CDK14: variants seen among roughly 807,000 people sequenced by gnomAD.
CDK14 encodes the protein cyclin-dependent kinase 14.
In CDK14, 34 loss-of-function variants were observed where a neutral mutation model predicts 60.7. The ratio of observed to expected loss-of-function variants is 0.56; its 90% confidence interval spans 0.43 to 0.75. The LOEUF (loss-of-function observed/expected upper bound fraction) is 0.75. Ranked by LOEUF, CDK14 falls within the 30% of genes least tolerant of loss-of-function variation. The pLI is 0.00. For synonymous variants in CDK14, 197 were observed against 203.7 expected (o/e 0.97, Z 0.28); for missense variants, 482 against 564.1 (o/e 0.85, Z 1.47).
intron 2 of CDK14, among the ~76,000 whole-genome samples, chr7:90,720,095 G>A (rs1038761631): frequency 6.6e-6 from 1 of 152,124 alleles, no homozygotes; most frequent in Non-Finnish European, 1.5e-5. Flanking sequence ...GTACTTTAGG[G>A]GGCTATAAAA....
At chr7:91,035,328 C>T (rs866506254) in intron 10 of CDK14, among the ~76,000 whole-genome samples, 1 of 152,302 alleles carries the variant, frequency 6.6e-6, no homozygotes, top group African/African-American at 2.4e-5. Flanking sequence ...CAAAATGCAA[C>T]CTTAATTCTG....
At chr7:90,876,843 G>A (rs1276470030) in intron 6 of CDK14, among the ~76,000 whole-genome samples, 2 of 152,204 alleles carry the variant, frequency 1.3e-5, no homozygotes, top group Admixed American at 1.3e-4. Context: ...TTGTTGTGAA[G>A]TATATAAGTT....
chr7:90,730,172 A>G (rs1802806201), intron 3 of CDK14, among the ~76,000 whole-genome samples: 1 of 152,212 alleles, frequency 6.6e-6, no homozygotes, highest in South Asian at 2.1e-4. Flanking sequence ...ATGTCCGCGC[A>G]GAGGACATGA....
chr7:90,817,217 A>G (rs1309519846), intron 5 of CDK14, among the ~76,000 whole-genome samples: 1 of 152,220 alleles, frequency 6.6e-6, no homozygotes, highest in African/African-American at 2.4e-5. Flanking sequence ...CATTGTGGGA[A>G]AAGTGTAGAA....
At chr7:90,748,480 C>T (rs896990640) in intron 4 of CDK14, among the ~76,000 whole-genome samples, 1 of 152,222 alleles carries the variant, frequency 6.6e-6, no homozygotes, top group African/African-American at 2.4e-5. Flanking sequence ...GCAACAACCA[C>T]AGAAGTCACA....
chr7:91,070,379 T>G (rs1798107227), intron 11 of CDK14, among the ~76,000 whole-genome samples: 1 of 150,740 alleles, frequency 6.6e-6, no homozygotes, highest in Non-Finnish European at 1.5e-5. Flanking sequence ...AGACTTGTTC[T>G]GTTTTGTTCA....
At chr7:91,166,683 G>A (rs1584153660) in intron 14 of CDK14, among the ~76,000 whole-genome samples, 1 of 152,328 alleles carries the variant, frequency 6.6e-6, no homozygotes, top group South Asian at 2.1e-4. Flanking sequence ...AGGCCCCTGA[G>A]TATGTGTGAA....
rs1270602170 is a variant in CDK14, at chr7:90,790,115, A to T, written c.465-458A>T. 2.1e-3 allele frequency among the ~76,000 whole-genome samples: 298 copies of T among 140,152 alleles called. 2 individuals are homozygous for T. In the Middle Eastern group the frequency reaches 0.025, roughly 12 times the overall value. 91.9% of individuals were successfully genotyped at this position (140,152 alleles called of 152,430 possible). The stretch of plus-strand genomic sequence containing the variant: ...GGAATTTTTTCCTTTTTTTTTTTTG[A>T]GAGAGAGAGAAGAATGTCAAGTTTC... On this transcript the variant is annotated intron_variant, in intron 4 of 14. Transcript: ENST00000380050.
At chr7:90,709,485 A>T in intron 2 of CDK14, 1 of 1,604,442 alleles carries the variant, frequency 6.2e-7, no homozygotes, top group African/African-American at 1.3e-5. Context: ...GCAGCCCTGC[A>T]TTGCAAATCA....
chr7:90,988,138 G>T (rs953464796), intron 10 of CDK14, among the ~76,000 whole-genome samples: 1 of 152,206 alleles, frequency 6.6e-6, no homozygotes, highest in Non-Finnish European at 1.5e-5. Context: ...TCTTTCTAAG[G>T]TTCTTTTTTC....
intron 12 of CDK14, among the ~76,000 whole-genome samples, chr7:91,082,353 A>G (rs1328048493): frequency 6.6e-6 from 1 of 152,236 alleles, no homozygotes; most frequent in Non-Finnish European, 1.5e-5. Flanking sequence ...GATCTGGAAA[A>G]GACCGCTTGT....
chr7:90,720,590 A>T (rs1802412902), intron 2 of CDK14, among the ~76,000 whole-genome samples: 1 of 152,232 alleles, frequency 6.6e-6, no homozygotes, highest in Non-Finnish European at 1.5e-5. Context: ...GTGACTGATT[A>T]TTTTGACATA....
At chr7:90,751,432 C>T (rs180864024) in intron 4 of CDK14, among the ~76,000 whole-genome samples, 12 of 152,072 alleles carry the variant, frequency 7.9e-5, no homozygotes, top group Non-Finnish European at 1.2e-4. Context: ...GCCTCATACG[C>T]AAAGGAGTAA....
chr7:90,909,044 G>A (rs1792805744), intron 7 of CDK14, among the ~76,000 whole-genome samples: 1 of 152,070 alleles, frequency 6.6e-6, no homozygotes, highest in Admixed American at 6.6e-5. Context: ...TTTAAACTCT[G>A]AATATTGATT....
rs1030857351 is a variant in CDK14, at chr7:90,780,972, C to T, written c.465-9601C>T. 1.3e-3 allele frequency among the ~76,000 whole-genome samples: 200 copies of T among 152,042 alleles called. 4 individuals are homozygous for T. Among genetic ancestry groups the T allele is most frequent in the Non-Finnish European group, 6.5e-4 (44 of 67,972 alleles). Reference sequence around the variant, plus strand: ...TTCTAGTTCTAGATCCCTGAGGAATCGCCACACTGACTTCCACAATGGTTG... The same window carrying T: ...TTCTAGTTCTAGATCCCTGAGGAATTGCCACACTGACTTCCACAATGGTTG... On this transcript the variant is annotated intron_variant, in intron 4 of 14. Coordinates refer to ENST00000380050, the MANE Select transcript of CDK14 (RefSeq NM_001287135.2).
intron 5 of CDK14, among the ~76,000 whole-genome samples, chr7:90,805,716 C>T (rs11979349): frequency 0.15 from 23,550 of 151,948 alleles, 1,933 homozygotes; most frequent in Middle Eastern, 0.24. Flanking sequence ...CCAAATTTCT[C>T]TATTGATTTA....
chr7:90,834,584 T>G (rs1221734681), intron 5 of CDK14, among the ~76,000 whole-genome samples: 1 of 152,162 alleles, frequency 6.6e-6, no homozygotes, highest in South Asian at 2.1e-4. Flanking sequence ...TTTAGTAGAC[T>G]GGGAAGAAAG....
intron 2 of CDK14, chr7:90,632,202 G>T: frequency 5.5e-6 from 1 of 181,130 alleles, no homozygotes; most frequent in Admixed American, 5.8e-5. Flanking sequence ...GACTGATGGT[G>T]GACCTGCATT....
intron 9 of CDK14, among the ~76,000 whole-genome samples, chr7:90,982,798 G>A (rs1417691788): frequency 6.6e-6 from 1 of 151,996 alleles, no homozygotes; most frequent in Non-Finnish European, 1.5e-5. Flanking sequence ...GAGTGGGTAG[G>A]TTATGGGATC....
Sources: allele counts gnomAD v4.1 joint callset (sites outside exome capture counted in the v4.1 genomes callset), GRCh38; gene constraint gnomAD v4.1.1; transcripts MANE v1.5; gene names NCBI Gene and HGNC (gene_info 2026-07-23, HGNC 2026-07-21).